The following ITPRIPL2 variants were observed in gnomAD, a reference collection of about 807,000 sequenced individuals.
The protein encoded by ITPRIPL2 is inositol 1,4,5-trisphosphate receptor-interacting protein-like 2.
ITPRIPL2 carries 29 observed loss-of-function variants against 31.7 expected under a neutral mutation model. The observed-to-expected ratio is 0.91, with a 90% CI of 0.68 to 1.25. The LOEUF is 1.25. Ranked by LOEUF, ITPRIPL2 falls within the 50% of genes most tolerant of loss-of-function variation. ITPRIPL2 has a pLI of 0.00. For synonymous variants in ITPRIPL2, 344 were observed against 343.4 expected (o/e 1.00, Z -0.02); for missense variants, 696 against 739.1 (o/e 0.94, Z 0.68).
In ITPRIPL2 at chr16:19,119,652, G is replaced by A. The variant is rs61265966; in HGVS notation, c.*3583G>A. 7,974 of 166,826 alleles carry A rather than the reference G, an allele frequency of 0.048. 329 individuals are homozygous for A. Among genetic ancestry groups the A allele is most frequent in the African/African-American group, 0.11 (4,602 of 41,420 alleles). 10.3% of individuals were successfully genotyped at this position (166,826 alleles called of 1,614,324 possible). ...AGTCATATTTTTTGTTTTGGATATG[G>A]TAGTGTTATATATACTTGGGGGCGT... On this transcript the variant is annotated 3_prime_UTR_variant, in exon 1 of 1. Transcript: ENST00000381440.
Position 19,115,019 on chromosome 16 carries a change from G to A in ITPRIPL2, c.558G>A (p.Val186=), listed in dbSNP as rs1194327496. ...VLVPLRLPPL[V]ALEPRSLGEE... ...TGCCACTGCGCCTCCCGCCGCTTGT[G>A]GCGCTGGAGCCACGGAGCCTGGGCG... The change falls in exon 1 of 1, where the codon GTG becomes GTA. Residue 186 remains valine, a synonymous_variant. Transcript: ENST00000381440. 1 of 1,598,732 alleles carries A rather than the reference G, an allele frequency of 6.3e-7. No individual in the cohort carries two copies. Among genetic ancestry groups the A allele is most frequent in the Non-Finnish European group, 8.5e-7 (1 of 1,179,314 alleles).
chr16:19,114,470 G>A lies in ITPRIPL2; in HGVS notation c.9G>A (p.Val3=). Residue 3 remains valine (V), a synonymous_variant, in exon 1 of 1, where the codon GTG becomes GTA. Coordinates refer to ENST00000381440, the MANE Select transcript of ITPRIPL2 (RefSeq NM_001034841.4). ...CGCCCCGGGCGCCCGGCATGTCGGT[G>A]CACTACACCCTCAATCTACGCGTCT... MS[V]HYTLNLRVFW... 1.4e-6 allele frequency: 2 copies of A among 1,431,502 alleles called. No individual in the cohort carries two copies. Among genetic ancestry groups the A allele is most frequent in the Non-Finnish European group, 1.8e-6 (2 of 1,091,910 alleles). 88.7% of individuals were successfully genotyped at this position (1,431,502 alleles called of 1,614,324 possible).
Position 19,116,120 on chromosome 16 carries a change from G to C in ITPRIPL2, c.*51G>C. The C allele has an allele frequency of 6.7e-7, 1 of 1,484,580 alleles. No homozygotes were observed. The highest frequency in any genetic ancestry group is 9.1e-7 in the Non-Finnish European group (1 of 1,104,176). The allele number at this position is 1,484,580 out of a possible 1,614,324, so 92.0% of individuals were successfully genotyped here. ...AAATGCTCCTAAAGCCTTTCCCACT[G>C]GGTGGGGGTGGGAATGGCGGTGAAG... On this transcript the variant is annotated 3_prime_UTR_variant, in exon 1 of 1. Transcript: ENST00000381440.
chr16:19,116,061 G>T lies in ITPRIPL2; in HGVS notation c.1600G>T (p.Glu534Ter). ...GCGCACCCAGGGCTTCCTTGAAGGT[G>T]AACCGTAAACCCTGACAGCACCCCC... ...SQRTQGFLEG[E>*]P The change falls in exon 1 of 1, where the codon GAA becomes TAA. Residue 534 changes from glutamate to a stop codon, truncating the protein, a stop_gained. Transcript: ENST00000381440. LOFTEE classifies it high-confidence loss of function. 1 of 1,583,098 alleles carries T rather than the reference G, an allele frequency of 6.3e-7. No individual in the cohort carries two copies. Among genetic ancestry groups the T allele is most frequent in the Non-Finnish European group, 8.6e-7 (1 of 1,161,892 alleles).
chr16:19,114,424 C>T lies in ITPRIPL2; in HGVS notation c.-38C>T. 1 of 1,382,114 alleles carries T rather than the reference C, an allele frequency of 7.2e-7. No individual in the cohort carries two copies. The highest frequency in any genetic ancestry group is 9.3e-7 in the Non-Finnish European group (1 of 1,070,416). 85.6% of individuals were successfully genotyped at this position (1,382,114 alleles called of 1,614,324 possible). A position where few individuals can be genotyped will look rare whatever the true frequency, so the allele number is the denominator to read the frequency against. ...CTTGGGTCGCCGCCGGGGCTTGCCC[C>T]CTGGGCTGCTCGGCCACCGCCGCCC... On this transcript the variant is annotated 5_prime_UTR_variant, in exon 1 of 1. Coordinates refer to ENST00000381440, the MANE Select transcript of ITPRIPL2 (RefSeq NM_001034841.4).
chr16:19,115,292 C>T lies in ITPRIPL2; in HGVS notation c.831C>T (p.Thr277=). 6.2e-7 allele frequency: 1 copy of T among 1,613,144 alleles called. No homozygotes were observed. Among genetic ancestry groups the T allele is most frequent in the Non-Finnish European group, 8.5e-7 (1 of 1,180,014 alleles). The change falls in exon 1 of 1, where the codon ACC becomes ACT. Residue 277 remains threonine (T), a synonymous_variant. Coordinates refer to ENST00000381440, the MANE Select transcript of ITPRIPL2 (RefSeq NM_001034841.4). The part of the protein sequence containing the change: ...RYSLEGRCRV[T]LTPGGLEQPP... ...GCCTGGAGGGGCGCTGTCGGGTCAC[C>T]TTGACCCCAGGTGGCCTGGAACAGC...
Position 19,114,571 on chromosome 16 carries a change from G to C in ITPRIPL2, c.110G>C (p.Arg37Pro). 6.4e-7 allele frequency: 1 copy of C among 1,555,654 alleles called. No individual in the cohort carries two copies. Among genetic ancestry groups the C allele is most frequent in the Non-Finnish European group, 8.7e-7 (1 of 1,155,874 alleles). The change falls in exon 1 of 1, where the codon CGG becomes CCG. Residue 37 changes from arginine to proline, a missense_variant. By Grantham distance (103) the Arg-to-Pro change is moderately radical (BLOSUM62 -2). Coordinates refer to ENST00000381440, the MANE Select transcript of ITPRIPL2 (RefSeq NM_001034841.4). Reference sequence around the variant, plus strand: ...GTCCTGCGGGGAAGCGGGGGCGCCCGGGCCGAGCCCGCCGACGGCGTGGAT... The same window carrying C: ...GTCCTGCGGGGAAGCGGGGGCGCCCCGGCCGAGCCCGCCGACGGCGTGGAT... ...YHVLRGSGGA[R>P]AEPADGVDGG... is the part of the protein sequence containing the mutation.
In ITPRIPL2 at chr16:19,114,496, T is replaced by C; in HGVS notation, c.35T>C (p.Phe12Ser). 1 of 1,450,118 alleles carries C rather than the reference T, an allele frequency of 6.9e-7. No homozygotes were observed. The highest frequency in any genetic ancestry group is 9.1e-7 in the Non-Finnish European group (1 of 1,100,498). 89.8% of individuals were successfully genotyped at this position (1,450,118 alleles called of 1,614,324 possible). The part of the protein sequence containing the change: ...SVHYTLNLRV[F>S]WPLVTGLCTA... Reference sequence around the variant, plus strand: ...CACTACACCCTCAATCTACGCGTCTTCTGGCCCCTGGTGACCGGCCTGTGC... The same window carrying C: ...CACTACACCCTCAATCTACGCGTCTCCTGGCCCCTGGTGACCGGCCTGTGC... Residue 12 changes from phenylalanine to serine, a missense_variant, in exon 1 of 1, where the codon TTC (phenylalanine) becomes TCC (serine). Physicochemically the swap from Phe to Ser is radical, Grantham distance 155 (BLOSUM62 -2). Transcript: ENST00000381440.
rs1405756757 is a variant in ITPRIPL2, at chr16:19,118,907, A to T, written c.*2838A>T. On this transcript the variant is annotated 3_prime_UTR_variant, in exon 1 of 1. Coordinates refer to ENST00000381440, the MANE Select transcript of ITPRIPL2 (RefSeq NM_001034841.4). ...TTCTGTATTTTATTAGGGCTCTGTTATGTCCTTCATCTGAAATGTACACAT... is the reference window on the plus strand; with the variant it reads ...TTCTGTATTTTATTAGGGCTCTGTTTTGTCCTTCATCTGAAATGTACACAT... 9.7e-6 allele frequency: 4 copies of T among 413,082 alleles called. No individual in the cohort carries two copies. Among genetic ancestry groups the T allele is most frequent in the African/African-American group, 2.1e-5 (1 of 48,634 alleles). 25.6% of individuals were successfully genotyped at this position (413,082 alleles called of 1,614,324 possible). A position where few individuals can be genotyped will look rare whatever the true frequency, so the allele number is the denominator to read the frequency against.
rs1963469798 is a variant in ITPRIPL2, at chr16:19,118,246, C to T, written c.*2177C>T. On this transcript the variant is annotated 3_prime_UTR_variant, in exon 1 of 1. Coordinates refer to ENST00000381440, the MANE Select transcript of ITPRIPL2 (RefSeq NM_001034841.4). Reference sequence around the variant, plus strand: ...TTGGGAGGCGAGGTGGGCGGATCACCTGAGGTCAGGAGTTCAAGACCAGCC... The same window carrying T: ...TTGGGAGGCGAGGTGGGCGGATCACTTGAGGTCAGGAGTTCAAGACCAGCC... The T allele has an allele frequency of 6.0e-6, 1 of 166,706 alleles. No individual in the cohort carries two copies. Among genetic ancestry groups the T allele is most frequent in the Non-Finnish European group, 1.5e-5 (1 of 68,078 alleles). 10.3% of individuals were successfully genotyped at this position (166,706 alleles called of 1,614,324 possible). A position where few individuals can be genotyped will look rare whatever the true frequency, so the allele number is the denominator to read the frequency against.
At position 19,116,012 on chromosome 16, in the gene ITPRIPL2, C is replaced by T. The variant is rs1248452300; in HGVS notation, c.1551C>T (p.Ala517=). 6 of 1,610,342 alleles carry T rather than the reference C, an allele frequency of 3.7e-6. No individual in the cohort carries two copies. The highest frequency in any genetic ancestry group is 5.1e-6 in the Non-Finnish European group (6 of 1,177,816). The change falls in exon 1 of 1, where the codon GCC becomes GCT. Residue 517 remains alanine, a synonymous_variant. Coordinates refer to ENST00000381440, the MANE Select transcript of ITPRIPL2 (RefSeq NM_001034841.4). Reference sequence around the variant, plus strand: ...CCTACGGGGGTCCCCGCTACCTTGCCAGGTGCCCCCCACCCCGGAGTCAGC... The same window carrying T: ...CCTACGGGGGTCCCCGCTACCTTGCTAGGTGCCCCCCACCCCGGAGTCAGC... The part of the protein sequence containing the change: ...LRAYGGPRYL[A]RCPPPRSQRT...
chr16:19,119,910 G>A lies in ITPRIPL2; in HGVS notation c.*3841G>A, dbSNP rs560886377. On this transcript the variant is annotated 3_prime_UTR_variant, in exon 1 of 1. Transcript: ENST00000381440. ...TTGCTCTGTCGGAGTTTGCAGATGA[G>A]TAATCAGAAGGATTGCAGAATAACT... 6.0e-6 allele frequency: 1 copy of A among 167,114 alleles called. No homozygotes were observed. Among genetic ancestry groups the A allele is most frequent in the Admixed American group, 6.5e-5 (1 of 15,282 alleles). 10.4% of individuals were successfully genotyped at this position (167,114 alleles called of 1,614,324 possible).
At position 19,114,632 on chromosome 16, in the gene ITPRIPL2, C is replaced by T; in HGVS notation, c.171C>T (p.Leu57=). Residue 57 remains leucine (L), a synonymous_variant, in exon 1 of 1, where the codon CTC becomes CTT. Coordinates refer to ENST00000381440, the MANE Select transcript of ITPRIPL2 (RefSeq NM_001034841.4). The part of the protein sequence containing the change: ...GFPLLKVAVL[L]LLSYVLLRCR... ...CGTTGCTTAAGGTGGCCGTCCTGCT[C>T]CTCCTCAGCTATGTCCTCCTGCGCT... The T allele has an allele frequency of 6.3e-7, 1 of 1,598,452 alleles. No individual in the cohort carries two copies. Among genetic ancestry groups the T allele is most frequent in the Non-Finnish European group, 8.5e-7 (1 of 1,173,300 alleles).
chr16:19,118,451 C>G lies in ITPRIPL2; in HGVS notation c.*2382C>G, dbSNP rs1316278064. 1 of 130,854 alleles carries G rather than the reference C, an allele frequency of 7.6e-6. No individual in the cohort carries two copies. The highest frequency in any genetic ancestry group is 2.7e-4 in the South Asian group (1 of 3,712). 8.1% of individuals were successfully genotyped at this position (130,854 alleles called of 1,614,324 possible). On this transcript the variant is annotated 3_prime_UTR_variant, in exon 1 of 1. Coordinates refer to ENST00000381440, the MANE Select transcript of ITPRIPL2 (RefSeq NM_001034841.4). ...CTGCACTCCAGCCTGGGTGACCGAG[C>G]GAGACTCCGTCTCAAAAAAAAAAAA...
Position 19,114,574 on chromosome 16 carries a change from C to A in ITPRIPL2, c.113C>A (p.Ala38Asp), listed in dbSNP as rs1455875092. Residue 38 changes from alanine (A) to aspartate (D), a missense_variant, in exon 1 of 1, where the codon GCC becomes GAC. Physicochemically the swap from Ala to Asp is moderately radical, Grantham distance 126. Transcript: ENST00000381440. ...CTGCGGGGAAGCGGGGGCGCCCGGG[C>A]CGAGCCCGCCGACGGCGTGGATGGC... ...HVLRGSGGAR[A>D]EPADGVDGGF... 3.2e-6 allele frequency: 5 copies of A among 1,557,414 alleles called. No individual in the cohort carries two copies. In the South Asian group the frequency reaches 3.7e-5, roughly 11 times the overall value.
In ITPRIPL2 at chr16:19,119,925, G is replaced by A. The variant is rs1342939796; in HGVS notation, c.*3856G>A. The A allele has an allele frequency of 1.8e-5, 3 of 167,004 alleles. No individual in the cohort carries two copies. The highest frequency in any genetic ancestry group is 7.2e-5 in the African/African-American group (3 of 41,414). 10.3% of individuals were successfully genotyped at this position (167,004 alleles called of 1,614,324 possible). On this transcript the variant is annotated 3_prime_UTR_variant, in exon 1 of 1. Transcript: ENST00000381440. Reference sequence around the variant, plus strand: ...TTGCAGATGAGTAATCAGAAGGATTGCAGAATAACTTGTTTCTTTGTATTT... The same window carrying A: ...TTGCAGATGAGTAATCAGAAGGATTACAGAATAACTTGTTTCTTTGTATTT...
At position 19,119,757 on chromosome 16, in the gene ITPRIPL2, A is replaced by G. The variant is rs1963490507; in HGVS notation, c.*3688A>G. The G allele has an allele frequency of 6.0e-6, 1 of 167,000 alleles. No homozygotes were observed. The highest frequency in any genetic ancestry group is 2.4e-5 in the African/African-American group (1 of 41,422). 10.3% of individuals were successfully genotyped at this position (167,000 alleles called of 1,614,324 possible). A position where few individuals can be genotyped will look rare whatever the true frequency, so the allele number is the denominator to read the frequency against. On this transcript the variant is annotated 3_prime_UTR_variant, in exon 1 of 1. Coordinates refer to ENST00000381440, the MANE Select transcript of ITPRIPL2 (RefSeq NM_001034841.4). ...AAAAAAAGTTAACACAGCCATAGAT[A>G]ACACTTAACTCACAGTTCCCAGGAG... is the stretch of plus-strand genomic sequence containing the variant.
Position 19,114,393 on chromosome 16 carries a change from G to T in ITPRIPL2, c.-69G>T. 1.7e-6 allele frequency: 2 copies of T among 1,206,676 alleles called. No homozygotes were observed. The highest frequency in any genetic ancestry group is 2.1e-6 in the Non-Finnish European group (2 of 950,874). The allele number at this position is 1,206,676 out of a possible 1,614,324, so 74.7% of individuals were successfully genotyped here. On this transcript the variant is annotated 5_prime_UTR_variant, in exon 1 of 1. The change abolishes an upstream ATG in the 5' untranslated region. Coordinates refer to ENST00000381440, the MANE Select transcript of ITPRIPL2 (RefSeq NM_001034841.4). ...GGGGCTGCCCGGGCGCTGTGCGCAT[G>T]CTGGGCTTGGGTCGCCGCCGGGGCT... is the stretch of plus-strand genomic sequence containing the variant.
chr16:19,115,646 C>T lies in ITPRIPL2; in HGVS notation c.1185C>T (p.Ala395=), dbSNP rs373688008. The change falls in exon 1 of 1, where the codon GCC becomes GCT. Residue 395 remains alanine, a synonymous_variant. Transcript: ENST00000381440. Reference sequence around the variant, plus strand: ...CCCGTGGGCTGGACTCAGCGGCCGCCACCCAGTGGGGACGCATCCTATCCT... The same window carrying T: ...CCCGTGGGCTGGACTCAGCGGCCGCTACCCAGTGGGGACGCATCCTATCCT... ...LGARGLDSAA[A]TQWGRILSSY... 6.2e-7 allele frequency: 1 copy of T among 1,610,668 alleles called. No individual in the cohort carries two copies. Among genetic ancestry groups the T allele is most frequent in the Non-Finnish European group, 8.5e-7 (1 of 1,179,224 alleles).
Sources: allele counts gnomAD v4.1 joint callset, GRCh38; gene constraint gnomAD v4.1.1; transcripts MANE v1.5; gene names NCBI Gene and HGNC (gene_info 2026-07-23, HGNC 2026-07-21).